Variants in GSN observed in about 807,000 individuals in gnomAD.
The protein encoded by GSN is actin-depolymerizing factor.
In GSN, 56 loss-of-function variants were observed where a neutral mutation model predicts 85.7. The observed-to-expected ratio is 0.65, with a 90% CI of 0.53 to 0.82. The LOEUF (loss-of-function observed/expected upper bound fraction) is 0.82, where lower values mean the gene tolerates loss of function less well. Among genes scored for constraint, GSN ranks in the 40% least tolerant of loss-of-function variants. The pLI, the probability that GSN is intolerant of heterozygous loss-of-function variation, is 0.00. For synonymous variants in GSN, 373 were observed against 399.1 expected (o/e 0.93, Z 0.78); for missense variants, 857 against 979.8 (o/e 0.87, Z 1.67).
chr9:121,328,695 C>T (rs1254896393), intron 14 of GSN, among the ~76,000 whole-genome samples, 196 bp from the exon 15 acceptor site: 1 of 152,214 alleles, frequency 6.6e-6, no homozygotes, highest in Non-Finnish European at 1.5e-5. Context: ...GCCAAGTCTG[C>T]CCTCTCTGGG....
intron 2 of GSN, chr9:121,300,089 A>G (rs202184446): frequency 6.2e-7 from 1 of 1,611,280 alleles, no homozygotes; most frequent in African/African-American, 1.3e-5. Flanking sequence ...AAAGGGGAGT[A>G]ATTCAGGTCT....
At chr9:121,262,570 ATC>A (rs1316227463) in intron 6 of GSN, among the ~76,000 whole-genome samples, 1 of 152,164 alleles carries the variant, frequency 6.6e-6, no homozygotes, top group African/African-American at 2.4e-5. Context: ...TTCCTGAAAA[ATC>A]TAACCTGGGA....
chr9:121,230,755 C>A (rs957406322), intron 4 of GSN, among the ~76,000 whole-genome samples: 1 of 152,144 alleles, frequency 6.6e-6, no homozygotes, highest in Non-Finnish European at 1.5e-5. Context: ...TAGACAAAAG[C>A]TACCTTTACC....
chr9:121,320,733 A>G (rs1420824448), intron 10 of GSN, among the ~76,000 whole-genome samples: 9 of 152,188 alleles, frequency 5.9e-5, no homozygotes, highest in African/African-American at 2.2e-4. Context: ...TAAGATAATA[A>G]TAATAATTAT....
At chr9:121,202,544 T>C in the GSN span, among the ~76,000 whole-genome samples, 1 of 152,182 alleles carries the variant, frequency 6.6e-6, no homozygotes, top group African/African-American at 2.4e-5. Flanking sequence ...TTTTCACAAT[T>C]TGTCTACCAC....
In GSN at chr9:121,324,502, A is replaced by G. The variant is rs1288646010; in HGVS notation, c.1326-52A>G. On this transcript the variant is annotated intron_variant, in intron 11 of 17. Coordinates refer to ENST00000432226, the MANE Select transcript of GSN (RefSeq NM_198252.3). ...GTTTCTCAGACTCAGGGCAAGGGAG[A>G]GGCTCAGGGCTCTGTGTGCACCCTG... 3 of 900,094 alleles carry G rather than the reference A, an allele frequency of 3.3e-6. No homozygotes were observed. In the East Asian group the frequency reaches 7.9e-5, roughly 24 times the overall value. The allele number at this position is 900,094 out of a possible 1,614,324, so 55.8% of individuals were successfully genotyped here.
intron 7 of GSN, among the ~76,000 whole-genome samples, chr9:121,315,149 A>G (rs1406933418): frequency 6.6e-6 from 1 of 152,144 alleles, no homozygotes. Flanking sequence ...ACCTGAGCCA[A>G]CGCTCCCGGC....
chr9:121,318,955 AAGG>A lies in GSN; in HGVS notation c.1191+79_1191+81del, dbSNP rs2062046830. 2 of 1,219,872 alleles carry A rather than the reference AAGG, an allele frequency of 1.6e-6. No individual in the cohort carries two copies. The highest frequency in any genetic ancestry group is 1.5e-5 in the African/African-American group (1 of 67,422). 75.6% of individuals were successfully genotyped at this position (1,219,872 alleles called of 1,614,324 possible). Reference sequence around the variant, plus strand: ...CCCATGCACTGCCTCTTGCTTCCCCAAGGAGGTTTCTCTCTGAGGTTTGCACAA... The same window carrying A: ...CCCATGCACTGCCTCTTGCTTCCCCAAGGTTTCTCTCTGAGGTTTGCACAA... On this transcript the variant is annotated intron_variant, in intron 10 of 17. Coordinates refer to ENST00000432226, the MANE Select transcript of GSN (RefSeq NM_198252.3). The surrounding 1 kb of genome is among the most constrained non-coding windows in gnomAD (Gnocchi z 4.3).
At chr9:121,276,826 A>G (rs1353987638) in intron 1 of GSN, among the ~76,000 whole-genome samples, 1 of 152,018 alleles carries the variant, frequency 6.6e-6, no homozygotes, top group Non-Finnish European at 1.5e-5. Flanking sequence ...TAGTATTAGG[A>G]GATATACCTA....
chr9:121,222,121 T>A (rs1264963388), intron 4 of GSN: 5 of 152,106 alleles, frequency 3.3e-5, no homozygotes, highest in African/African-American at 1.2e-4. Context: ...ATAAAACAGA[T>A]GCCCAGTATA....
chr9:121,273,123 C>T (rs969371760), intron 1 of GSN, among the ~76,000 whole-genome samples: 5 of 152,170 alleles, frequency 3.3e-5, no homozygotes, highest in African/African-American at 1.2e-4. Context: ...AAGAGTGATC[C>T]AGAAAGGCTT....
rs141510612 is a variant in GSN, at chr9:121,332,476, G to A, written c.2069G>A (p.Arg690Gln). Reference protein sequence around the residue: ...IETDPANRDRRTPITVVKQGF... With the variant: ...IETDPANRDRQTPITVVKQGF... ...ACGGACCCAGCCAATCGGGATCGGC[G>A]GACGCCCATCACCGTGGTGAAGCAA... The change falls in exon 18 of 18, where the codon CGG becomes CAG. Residue 690 changes from arginine to glutamine, a missense_variant. Transcript: ENST00000432226. This position sits in a 1 kb window ranked among gnomAD's most constrained non-coding sequence, Gnocchi z 4.8. 9.5e-5 allele frequency: 154 copies of A among 1,614,058 alleles called. No individual in the cohort carries two copies. The highest frequency in any genetic ancestry group is 8.9e-4 in the East Asian group (40 of 44,868).
chr9:121,326,459 G>C (rs988397686), intron 12 of GSN, 53 bp from the exon 13 acceptor site: 1 of 1,461,564 alleles, frequency 6.8e-7, no homozygotes, highest in Non-Finnish European at 9.6e-7. Flanking sequence ...CGACATAGAA[G>C]GACTGAAGCC....
chr9:121,223,649 T>G (rs2054214293), intron 4 of GSN, among the ~76,000 whole-genome samples: 1 of 151,764 alleles, frequency 6.6e-6, no homozygotes, highest in African/African-American at 2.4e-5. Flanking sequence ...TAACGTACTT[T>G]ATAAGTATAT....
intron 1 of GSN, among the ~76,000 whole-genome samples, chr9:121,268,604 G>A (rs1269364998): frequency 6.6e-6 from 1 of 152,182 alleles, no homozygotes; most frequent in Non-Finnish European, 1.5e-5. Flanking sequence ...CGGTCTGGGC[G>A]GTGACTCTGC....
At chr9:121,286,215 C>A in intron 2 of GSN, 1 of 1,429,078 alleles carries the variant, frequency 7.0e-7, no homozygotes, top group Non-Finnish European at 9.5e-7. Context: ...GGGTGGTCCC[C>A]GAAGCCAGCT....
intron 4 of GSN, among the ~76,000 whole-genome samples, chr9:121,223,532 C>T (rs919629942): frequency 1.4e-4 from 21 of 152,126 alleles, no homozygotes; most frequent in South Asian, 2.1e-4. Context: ...ATCATGGTTA[C>T]AATAGCTAGC....
At chr9:121,279,133 T>C (rs2057028965) in intron 1 of GSN, among the ~76,000 whole-genome samples, 1 of 151,502 alleles carries the variant, frequency 6.6e-6, no homozygotes, top group Non-Finnish European at 1.5e-5. Context: ...GGTGTGGAGG[T>C]CTGTACGGAG....
intron 5 of GSN, among the ~76,000 whole-genome samples, chr9:121,243,853 C>T (rs888062257): frequency 6.6e-6 from 1 of 152,210 alleles, no homozygotes; most frequent in Non-Finnish European, 1.5e-5. Context: ...GCTGGGATTA[C>T]AGGTGTGAGC....
Sources: allele counts gnomAD v4.1 joint callset (sites outside exome capture counted in the v4.1 genomes callset), GRCh38; gene constraint gnomAD v4.1.1; non-coding constraint Gnocchi (gnomAD v3.1); transcripts MANE v1.5; gene names NCBI Gene and HGNC (gene_info 2026-07-23, HGNC 2026-07-21).